Variants in ARHGAP23 observed in about 807,000 individuals in gnomAD.
ARHGAP23 encodes rho GTPase-activating protein 23.
In ARHGAP23, 34 loss-of-function variants were observed where a neutral mutation model predicts 136.3. That is an observed-to-expected ratio of 0.25 (90% CI 0.19 to 0.33). The LOEUF is 0.33. Ranked by LOEUF, ARHGAP23 falls within the 10% of genes least tolerant of loss-of-function variation. ARHGAP23 has a pLI of 1.00. For missense variants in ARHGAP23, 1,808 were observed against 2,139.0 expected, an observed-to-expected ratio of 0.85 and a Z score of 3.05; for synonymous variants, 832 against 920.5, an observed-to-expected ratio of 0.90 and a Z score of 1.74.
chr17:38,480,479 A>C (rs910167465), intron 14 of ARHGAP23, among the ~76,000 whole-genome samples: 3 of 152,060 alleles, frequency 2.0e-5, no homozygotes, highest in African/African-American at 4.8e-5. Context: ...TAAAAAATAC[A>C]AAAAATTAGC....
chr17:38,491,396 C>T lies in ARHGAP23; in HGVS notation c.3151-11C>T. On this transcript the variant is annotated splice_polypyrimidine_tract_variant and intron_variant, in intron 19 of 23. Transcript: ENST00000622683. Reference sequence around the variant, plus strand: ...GGATGTTGACAGTGACCTGCTTTCCCTGCTGCCCAGATGGAACCCCGGAAC... The same window carrying T: ...GGATGTTGACAGTGACCTGCTTTCCTTGCTGCCCAGATGGAACCCCGGAAC... 1 of 1,549,744 alleles carries T rather than the reference C, an allele frequency of 6.5e-7. No individual in the cohort carries two copies.
chr17:38,484,442 G>C (rs1176762560), intron 16 of ARHGAP23, among the ~76,000 whole-genome samples: 1 of 152,120 alleles, frequency 6.6e-6, no homozygotes, highest in African/African-American at 2.4e-5. Context: ...CTGGACTAGA[G>C]AGTGGCATGG....
intron 3 of ARHGAP23, 97 bp downstream of exon 3, chr17:38,461,029 G>T: frequency 6.7e-7 from 1 of 1,482,572 alleles, no homozygotes; most frequent in African/African-American, 1.4e-5. Context: ...CCTTTTCTGT[G>T]CCCCCCTCCC....
rs2040740557 is a variant in ARHGAP23 at position 38,510,635 on chromosome 17, C to T, written c.4139C>T (p.Ala1380Val). Residue 1380 changes from alanine to valine, a missense_variant, in exon 24 of 24, where the codon GCG (alanine) becomes GTG (valine). Coordinates refer to ENST00000622683, the MANE Select transcript of ARHGAP23 (RefSeq NM_001199417.2). This position sits in a 1 kb window ranked among gnomAD's most constrained non-coding sequence, Gnocchi z 4.6. ...CTGCGTCTAAGGCTCCGCGGCACGG[C>T]GGACGACATGCTCGCCGTGCGCCTG... ...EALRLRLRGT[A>V]DDMLAVRLRR... The T allele has an allele frequency of 7.4e-7, 1 of 1,358,132 alleles. No individual in the cohort carries two copies. The highest frequency in any genetic ancestry group is 9.4e-7 in the Non-Finnish European group (1 of 1,064,216). The allele number at this position is 1,358,132 out of a possible 1,614,324, so 84.1% of individuals were successfully genotyped here.
chr17:38,446,782 C>A (rs555744670), intron 1 of ARHGAP23, among the ~76,000 whole-genome samples: 2 of 152,078 alleles, frequency 1.3e-5, no homozygotes, highest in East Asian at 3.9e-4. Context: ...ATTTCCATAG[C>A]AACTCCACCA....
chr17:38,466,337 C>A lies in ARHGAP23; in HGVS notation c.654C>A (p.Asp218Glu). Residue 218 changes from aspartate (D) to glutamate (E), a missense_variant, in exon 7 of 24, where the codon GAC becomes GAA. This residue lies in a region of ARHGAP23 where 859 missense variants were observed against 936.4 expected (regional missense o/e 0.92). Coordinates refer to ENST00000622683, the MANE Select transcript of ARHGAP23 (RefSeq NM_001199417.2). ...AGCCCACCTCAGCACTGCCCAGTGA[C>A]CCCCGGAGTCCTGCTGCCTGGAGTG... Reference protein sequence around the residue: ...VPEPTSALPSDPRSPAAWSDP... With the variant: ...VPEPTSALPSEPRSPAAWSDP... The A allele has an allele frequency of 1.9e-6, 3 of 1,543,128 alleles. No homozygotes were observed. The highest frequency in any genetic ancestry group is 2.6e-6 in the Non-Finnish European group (3 of 1,146,228).
chr17:38,455,953 A>G (rs2039314034), intron 1 of ARHGAP23, among the ~76,000 whole-genome samples: 1 of 152,180 alleles, frequency 6.6e-6, no homozygotes, highest in Non-Finnish European at 1.5e-5. Flanking sequence ...CCTGATGTCA[A>G]AACCCCTGCT....
intron 1 of ARHGAP23, among the ~76,000 whole-genome samples, chr17:38,445,820 G>T (rs148842718): frequency 1.9e-3 from 289 of 151,894 alleles, no homozygotes; most frequent in African/African-American, 4.8e-3. Flanking sequence ...TTTTTGTAGA[G>T]ACAGGGTTTC....
At chr17:38,507,731 C>T (rs1403019223) in intron 23 of ARHGAP23, among the ~76,000 whole-genome samples, 1 of 152,216 alleles carries the variant, frequency 6.6e-6, no homozygotes, top group African/African-American at 2.4e-5. Flanking sequence ...TGCACAACTC[C>T]AGGGGGTGCC....
intron 2 of ARHGAP23, 139 bp downstream of exon 2, chr17:38,458,402 C>T (rs1286511426): frequency 1.6e-6 from 2 of 1,226,160 alleles, no homozygotes; most frequent in Admixed American, 6.1e-5. Flanking sequence ...CTCCCTTCTG[C>T]TGTGGCCTGG....
upstream of ARHGAP23, among the ~76,000 whole-genome samples, chr17:38,425,254 G>A (rs12604072): frequency 0.16 from 23,730 of 152,072 alleles, 2,051 homozygotes; most frequent in East Asian, 0.36. Context: ...CCACGATGCC[G>A]ATGCCGGAGC....
At chr17:38,439,836 G>A (rs1049770951) in intron 1 of ARHGAP23, among the ~76,000 whole-genome samples, 4 of 151,314 alleles carry the variant, frequency 2.6e-5, no homozygotes, top group South Asian at 2.1e-4. Context: ...GTGCGGTGGC[G>A]CGATCTTGGC....
In ARHGAP23 at chr17:38,466,348, C is replaced by G; in HGVS notation, c.665C>G (p.Pro222Arg). The G allele has an allele frequency of 6.5e-7, 1 of 1,542,456 alleles. No individual in the cohort carries two copies. Among genetic ancestry groups the G allele is most frequent in the Non-Finnish European group, 8.7e-7 (1 of 1,146,014 alleles). Reference sequence around the variant, plus strand: ...GCACTGCCCAGTGACCCCCGGAGTCCTGCTGCCTGGAGTGACCCGGGGCTC... The same window carrying G: ...GCACTGCCCAGTGACCCCCGGAGTCGTGCTGCCTGGAGTGACCCGGGGCTC... ...TSALPSDPRS[P>R]AAWSDPGLRV... The change falls in exon 7 of 24, where the codon CCT becomes CGT. Residue 222 changes from proline to arginine, a missense_variant. This residue lies in a region of ARHGAP23 where 859 missense variants were observed against 936.4 expected (regional missense o/e 0.92). Transcript: ENST00000622683.
chr17:38,488,861 A>T (rs1391606653), intron 17 of ARHGAP23, among the ~76,000 whole-genome samples: 1 of 147,992 alleles, frequency 6.8e-6, no homozygotes, highest in Non-Finnish European at 1.5e-5. Context: ...ACAATTTTTA[A>T]TTTTATTTTT....
chr17:38,431,602 GT>G (rs1299129308), intron 1 of ARHGAP23, among the ~76,000 whole-genome samples: 1 of 152,200 alleles, frequency 6.6e-6, no homozygotes, highest in East Asian at 1.9e-4. Context: ...CCAGGTGGGT[GT>G]CTCCTCCCCC....
chr17:38,480,519 A>G (rs1448160548), intron 14 of ARHGAP23, among the ~76,000 whole-genome samples: 2 of 152,014 alleles, frequency 1.3e-5, no homozygotes. Flanking sequence ...CTGTAGTCCC[A>G]GCTACTCAGG....
chr17:38,485,968 C>A, intron 16 of ARHGAP23, 94 bp from the exon 17 acceptor site: 1 of 1,206,058 alleles, frequency 8.3e-7, no homozygotes, highest in Non-Finnish European at 1.2e-6. Context: ...CAGGGAGGGC[C>A]TGGTGGGCTT....
intron 1 of ARHGAP23, among the ~76,000 whole-genome samples, chr17:38,435,418 G>T (rs987362770): frequency 1.3e-5 from 2 of 152,172 alleles, no homozygotes; most frequent in Non-Finnish European, 2.9e-5. Flanking sequence ...AGTGGTTCCT[G>T]CTGGTGAGTT....
At chr17:38,429,196 G>A (rs1206856838) in intron 1 of ARHGAP23, among the ~76,000 whole-genome samples, 1 of 152,224 alleles carries the variant, frequency 6.6e-6, no homozygotes, top group African/African-American at 2.4e-5. Flanking sequence ...CCGGCTGTGG[G>A]TGGGTCAGAG....
Sources: gnomAD v4.1 joint callset for allele counts (sites outside exome capture counted in the v4.1 genomes callset) on GRCh38, gnomAD v4.1.1 for gene constraint, gnomAD v4.1.1 regional missense constraint, Gnocchi (gnomAD v3.1) non-coding constraint, MANE v1.5 for transcripts, NCBI Gene and HGNC (gene_info 2026-07-23, HGNC 2026-07-21) for gene names.